Variants in LINGO1 observed in about 807,000 individuals in gnomAD.
LINGO1 encodes the protein leucine rich repeat and Ig domain containing 1.
In LINGO1, 11 loss-of-function variants were observed where a neutral mutation model predicts 37.3. That is an observed-to-expected ratio of 0.29 (90% CI 0.19 to 0.49). LINGO1 has a LOEUF of 0.49. LINGO1 is among the 20% of genes least tolerant of loss of function. The probability of loss-of-function intolerance (pLI) is 0.99; values close to 1 mark genes in which losing one functional copy is unlikely to be tolerated. For synonymous variants in LINGO1, 387 were observed against 403.0 expected (o/e 0.96, Z 0.48); for missense variants, 585 against 878.2 (o/e 0.67, Z 4.22).
intron 2 of LINGO1, among the ~76,000 whole-genome samples, chr15:77,713,210 TTGTGTGTGTGTGTGTG>T (rs57831674): frequency 0.17 from 21,562 of 123,774 alleles, 1,961 homozygotes; most frequent in Middle Eastern, 0.3. Context: ...GCCCAGCTAA[TTGTGTGTGTGTGTGTG>T]TGTGTGTGTG....
upstream of LINGO1, among the ~76,000 whole-genome samples, chr15:77,633,637 G>A (rs2141086459): frequency 6.6e-6 from 1 of 152,304 alleles, no homozygotes; most frequent in East Asian, 1.9e-4. Context: ...TCTCTGGCCC[G>A]CTCCGTCCGG....
intron 1 of LINGO1, among the ~76,000 whole-genome samples, chr15:77,631,858 G>A (rs2074264379): frequency 1.3e-5 from 2 of 152,228 alleles, no homozygotes; most frequent in South Asian, 4.1e-4. Flanking sequence ...AGCTTGTGGA[G>A]AAACCCAGCC....
At chr15:77,803,239 T>C (rs548741587) in intron 1 of LINGO1, among the ~76,000 whole-genome samples, 1 of 152,240 alleles carries the variant, frequency 6.6e-6, no homozygotes, top group African/African-American at 2.4e-5. Context: ...CTCTTCTCTG[T>C]ACCCTAGAAC....
intron 3 of LINGO1, among the ~76,000 whole-genome samples, chr15:77,658,356 A>AG (rs778469861): frequency 1.3e-5 from 2 of 152,252 alleles, no homozygotes; most frequent in Non-Finnish European, 2.9e-5. Flanking sequence ...CCAGGTCCAC[A>AG]GTGAAACAGT....
At chr15:77,624,802 T>G (rs2074040062) in intron 1 of LINGO1, among the ~76,000 whole-genome samples, 1 of 151,970 alleles carries the variant, frequency 6.6e-6, no homozygotes, top group Non-Finnish European at 1.5e-5. Flanking sequence ...GGATGGGAGC[T>G]GTCCCAGAGC....
chr15:77,793,515 C>T (rs2076834178), intron 2 of LINGO1, among the ~76,000 whole-genome samples: 1 of 152,256 alleles, frequency 6.6e-6, no homozygotes, highest in Non-Finnish European at 1.5e-5. Context: ...TCCCCTACCA[C>T]TGCACCTTTG....
chr15:77,777,213 C>G (rs1397417511), intron 1 of LINGO1, among the ~76,000 whole-genome samples: 1 of 152,280 alleles, frequency 6.6e-6, no homozygotes, highest in African/African-American at 2.4e-5. Context: ...GTGCGGTCAA[C>G]CAGCCAGTGG....
chr15:77,649,772 C>G (rs1156960141), intron 3 of LINGO1, among the ~76,000 whole-genome samples: 1 of 151,966 alleles, frequency 6.6e-6, no homozygotes, highest in African/African-American at 2.4e-5. Flanking sequence ...CCACAGCCTG[C>G]CCCCCCGAGT....
intron 1 of LINGO1, among the ~76,000 whole-genome samples, chr15:77,630,033 G>A (rs909780231): frequency 6.6e-6 from 1 of 152,116 alleles, no homozygotes. Context: ...AAACAGAACA[G>A]AAAGCCTCCA....
intron 2 of LINGO1, among the ~76,000 whole-genome samples, chr15:77,681,767 T>G (rs1596100152): frequency 2.0e-5 from 3 of 147,624 alleles, no homozygotes; most frequent in African/African-American, 7.5e-5. Flanking sequence ...GGAGGGAGGG[T>G]GGAAGGGAGG....
chr15:77,731,707 T>C (rs1323962888), intron 2 of LINGO1, among the ~76,000 whole-genome samples: 1 of 152,134 alleles, frequency 6.6e-6, no homozygotes, highest in Non-Finnish European at 1.5e-5. Flanking sequence ...CTGTGCCCCA[T>C]GAAAGCAGCC....
chr15:77,658,010 G>GT (rs1361847665), intron 3 of LINGO1, among the ~76,000 whole-genome samples: 1 of 152,216 alleles, frequency 6.6e-6, no homozygotes, highest in Non-Finnish European at 1.5e-5. Flanking sequence ...TTTCCCGGGG[G>GT]TGGGAGGGGA....
intron 3 of LINGO1, among the ~76,000 whole-genome samples, chr15:77,654,512 G>T (rs368727876): frequency 6.6e-6 from 1 of 152,090 alleles, no homozygotes; most frequent in Admixed American, 6.5e-5. Flanking sequence ...GTGGGGATTG[G>T]GGCTGGGGTC....
intron 3 of LINGO1, among the ~76,000 whole-genome samples, chr15:77,646,070 G>A (rs989549137): frequency 1.8e-4 from 28 of 152,230 alleles, no homozygotes; most frequent in African/African-American, 6.8e-4. Flanking sequence ...TAAAAGGGTG[G>A]TTGAAGGGGC....
intron 1 of LINGO1, among the ~76,000 whole-genome samples, chr15:77,774,576 C>A (rs1374334638): frequency 6.6e-6 from 1 of 152,144 alleles, no homozygotes; most frequent in Non-Finnish European, 1.5e-5. Context: ...GTGCCTGATC[C>A]CCAGCAGGGC....
intron 1 of LINGO1, among the ~76,000 whole-genome samples, chr15:77,624,288 C>T (rs56929920): frequency 0.17 from 26,504 of 151,774 alleles, 4,941 homozygotes; most frequent in African/African-American, 0.47. Context: ...ACTCCCCGGC[C>T]CCCAGCTCCA....
At chr15:77,628,305 A>C (rs1249179741) in intron 1 of LINGO1, among the ~76,000 whole-genome samples, 1 of 152,194 alleles carries the variant, frequency 6.6e-6, no homozygotes, top group Non-Finnish European at 1.5e-5. Context: ...GAAATAACCT[A>C]AATGTCCATT....
intron 3 of LINGO1, among the ~76,000 whole-genome samples, chr15:77,675,418 G>A (rs2075311155): frequency 6.6e-6 from 1 of 152,196 alleles, no homozygotes; most frequent in African/African-American, 2.4e-5. Flanking sequence ...TGAATGATTT[G>A]TAGACCATCA....
upstream of LINGO1, chr15:77,634,290 G>C (rs1050069150): frequency 2.2e-6 from 1 of 455,982 alleles, no homozygotes; most frequent in Non-Finnish European, 4.4e-6. Flanking sequence ...TGTTCCAGCT[G>C]CACCATTTCT....
Sources: gnomAD v4.1 joint callset for allele counts (sites outside exome capture counted in the v4.1 genomes callset) on GRCh38, gnomAD v4.1.1 for gene constraint, MANE v1.5 for transcripts, NCBI Gene and HGNC (gene_info 2026-07-23, HGNC 2026-07-21) for gene names.